NRXN3: variants seen among roughly 807,000 people sequenced by gnomAD.
NRXN3 encodes the protein neurexin III.
NRXN3 carries 32 observed loss-of-function variants against 137.6 expected under a neutral mutation model. The ratio of observed to expected loss-of-function variants is 0.23; its 90% CI spans 0.18 to 0.31. The LOEUF is 0.31. Ranked by LOEUF, NRXN3 falls within the 10% of genes least tolerant of loss-of-function variation. NRXN3 has a pLI of 1.00. For synonymous variants in NRXN3, 798 were observed against 784.5 expected (o/e 1.02, Z -0.29); for missense variants, 1,574 against 2,062.5 (o/e 0.76, Z 4.59).
At chr14:78,309,600 G>A in intron 4 of NRXN3, among the ~76,000 whole-genome samples, 1 of 151,978 alleles carries the variant, frequency 6.6e-6, no homozygotes. Context: ...AAACTAAGCA[G>A]GTTTATTGAC....
At chr14:79,148,920 C>T (rs1431224873) in intron 15 of NRXN3, among the ~76,000 whole-genome samples, 1 of 151,938 alleles carries the variant, frequency 6.6e-6, no homozygotes, top group East Asian at 1.9e-4. Context: ...TATTTTTGCC[C>T]TTAAAGTCCA....
At chr14:78,347,939 G>C (rs1302172680) in intron 4 of NRXN3, among the ~76,000 whole-genome samples, 1 of 152,116 alleles carries the variant, frequency 6.6e-6, no homozygotes, top group African/African-American at 2.4e-5. Context: ...TTGTGGAGGG[G>C]GCGAGAGGGT....
rs1171159581 is a variant in NRXN3 at position 79,308,933 on chromosome 14, A to AT, written c.3263-158278dup. On this transcript the variant is annotated intron_variant, in intron 15 of 20. Transcript: ENST00000335750. ...TATTTATTTATTTATTTATTTTTTA[A>AT]TTTTTTTTTTATTATACTCTAAGTT... Among the ~76,000 whole-genome samples the AT allele has an allele frequency of 8.2e-3, 973 of 118,290 alleles. 10 individuals are homozygous for AT. The highest frequency in any genetic ancestry group is 0.01 in the African/African-American group (323 of 30,842). The allele number at this position is 118,290 out of a possible 152,430, so 77.6% of individuals were successfully genotyped here.
intron 4 of NRXN3, among the ~76,000 whole-genome samples, chr14:78,456,821 C>CTTTCT (rs1339912856): frequency 8.0e-6 from 1 of 124,434 alleles, no homozygotes; most frequent in African/African-American, 2.7e-5. Context: ...TTCTTTCTTT[C>CTTTCT]TTTCTTTCTT....
At chr14:79,611,699 A>G (rs958997981) in intron 16 of NRXN3, 1 of 152,268 alleles carries the variant, frequency 6.6e-6, no homozygotes, top group Non-Finnish European at 1.5e-5. Flanking sequence ...ATGATCATGA[A>G]TAAATTCCTT....
chr14:79,046,299 A>G (rs2099633054), intron 15 of NRXN3, among the ~76,000 whole-genome samples: 1 of 152,192 alleles, frequency 6.6e-6, no homozygotes, highest in Non-Finnish European at 1.5e-5. Flanking sequence ...GGTCCCTGAG[A>G]AAGGACAATG....
chr14:78,291,117 A>G (rs1182151337), intron 3 of NRXN3, among the ~76,000 whole-genome samples: 9 of 152,152 alleles, frequency 5.9e-5, no homozygotes, highest in Non-Finnish European at 1.0e-4. Context: ...GGATTCTCTG[A>G]GATATGTCTC....
At chr14:78,525,401 G>A (rs894045429) in intron 4 of NRXN3, among the ~76,000 whole-genome samples, 5 of 152,164 alleles carry the variant, frequency 3.3e-5, no homozygotes, top group African/African-American at 1.2e-4. Flanking sequence ...GTCAGTAGAT[G>A]TTAAGGTTCC....
intron 1 of NRXN3, among the ~76,000 whole-genome samples, chr14:78,206,642 C>T (rs2062211711): frequency 6.6e-6 from 1 of 152,108 alleles, no homozygotes; most frequent in African/African-American, 2.4e-5. Flanking sequence ...AGGACTACCG[C>T]CTGCACTCCT....
chr14:79,803,944 T>A (rs562726849), intron 19 of NRXN3, among the ~76,000 whole-genome samples: 1 of 140,046 alleles, frequency 7.1e-6, no homozygotes, highest in East Asian at 2.0e-4. Context: ...TATATATATA[T>A]GTATATATAT....
chr14:79,263,768 T>C (rs544045902), intron 15 of NRXN3, among the ~76,000 whole-genome samples: 84 of 152,278 alleles, frequency 5.5e-4, no homozygotes, highest in African/African-American at 2.0e-3. Context: ...TTGAATATAG[T>C]TTTGGAAAGG....
intron 3 of NRXN3, among the ~76,000 whole-genome samples, chr14:78,282,668 A>C (rs1451900007): frequency 1.3e-5 from 2 of 152,062 alleles, no homozygotes; most frequent in African/African-American, 4.8e-5. Flanking sequence ...CCTTTGCTGG[A>C]GCCTTCCCCT....
chr14:78,789,796 C>T (rs1230453923), intron 8 of NRXN3, among the ~76,000 whole-genome samples: 1 of 152,074 alleles, frequency 6.6e-6, no homozygotes, highest in Non-Finnish European at 1.5e-5. Context: ...TTGCTCTTTA[C>T]TCTTATATTC....
At chr14:78,811,492 G>A (rs2098912797) in intron 10 of NRXN3, among the ~76,000 whole-genome samples, 1 of 152,208 alleles carries the variant, frequency 6.6e-6, no homozygotes, top group African/African-American at 2.4e-5. Flanking sequence ...ACATGCAAAG[G>A]AAGCTGGGAA....
rs2370984 is a variant in NRXN3, at chr14:79,444,652, C to G, written c.3263-22569C>G. Among the ~76,000 whole-genome samples the G allele has an allele frequency of 4.1e-4, 63 of 152,164 alleles. 1 individual carries two copies. The East Asian group carries it at 0.011, about 26-fold the overall frequency. ...CCAGCCTCAGCAATATAGTGAGAAC[C>G]CATCACTACAAATTCCTTTTTTTAA... is the stretch of plus-strand genomic sequence containing the variant. On this transcript the variant is annotated intron_variant, in intron 15 of 20. Coordinates refer to ENST00000335750, the MANE Select transcript of NRXN3 (RefSeq NM_001330195.2).
chr14:79,083,254 G>A (rs1366011681), intron 15 of NRXN3, among the ~76,000 whole-genome samples: 2 of 152,180 alleles, frequency 1.3e-5, no homozygotes, highest in African/African-American at 2.4e-5. Flanking sequence ...TATTGGCAGA[G>A]TGAAGAAGAC....
At chr14:78,681,550 A>C (rs552596284) in intron 6 of NRXN3, among the ~76,000 whole-genome samples, 1 of 152,210 alleles carries the variant, frequency 6.6e-6, no homozygotes, top group Non-Finnish European at 1.5e-5. Context: ...ATAATGCCAG[A>C]GGAGGAAACA....
At chr14:79,273,172 C>CAAAAAAAAAA in intron 15 of NRXN3, among the ~76,000 whole-genome samples, 1 of 20,756 alleles carries the variant, frequency 4.8e-5, no homozygotes, top group African/African-American at 2.8e-4. Context: ...ACTCTGTGGC[C>CAAAAAAAAAA]AAAAAAAAAA....
chr14:79,781,983 T>G (rs2099115360), intron 19 of NRXN3, among the ~76,000 whole-genome samples: 1 of 152,108 alleles, frequency 6.6e-6, no homozygotes, highest in South Asian at 2.1e-4. Context: ...AGGTGAAGAG[T>G]CTTGCAGGAT....
Sources: allele counts gnomAD v4.1 joint callset (sites outside exome capture counted in the v4.1 genomes callset), GRCh38; gene constraint gnomAD v4.1.1; transcripts MANE v1.5; gene names NCBI Gene and HGNC (gene_info 2026-07-23, HGNC 2026-07-21).